Variants in CDKL5 observed in about 807,000 individuals in gnomAD.
CDKL5 encodes cyclin dependent kinase like 5, also known as cyclin-dependent kinase-like 5.
Under a neutral mutation model 61.7 loss-of-function variants are expected in CDKL5, and 8 were observed. That is an observed-to-expected ratio of 0.13 (90% CI 0.08 to 0.23). The LOEUF (loss-of-function observed/expected upper bound fraction) is 0.23. Among genes scored for constraint, CDKL5 ranks in the 10% least tolerant of loss-of-function variants. CDKL5 has a pLI of 1.00. For synonymous variants in CDKL5, 275 were observed against 272.3 expected (o/e 1.01, Z -0.10); for missense variants, 440 against 734.5 (o/e 0.60, Z 4.63).
intron 16 of CDKL5, among the ~76,000 whole-genome samples, chrX:18,621,964 G>C (rs976010373): frequency 1.8e-5 from 2 of 111,883 alleles, no homozygotes; most frequent in Non-Finnish European, 3.8e-5. Context: ...TTTATTTTGT[G>C]GTTTTTGTTC....
chrX:18,592,455 C>CA (rs1925860475), intron 9 of CDKL5, among the ~76,000 whole-genome samples: 1 of 111,070 alleles, frequency 9.0e-6, no homozygotes, highest in Non-Finnish European at 1.9e-5. Flanking sequence ...ATAGGCCACA[C>CA]AAAGGATTAT....
chrX:18,432,587 A>G (rs1480260707), intron 1 of CDKL5, among the ~76,000 whole-genome samples: 1 of 107,501 alleles, frequency 9.3e-6, no homozygotes, highest in Non-Finnish European at 1.9e-5. Flanking sequence ...GAAATCATGT[A>G]GATCTTAAAA....
At chrX:18,439,905 T>TAA (rs147424746) in intron 1 of CDKL5, among the ~76,000 whole-genome samples, 1 of 100,367 alleles carries the variant, frequency 1.0e-5, no homozygotes. Context: ...ACATTATGTC[T>TAA]AAAAAAAAAA....
chrX:18,650,669 G>T (rs1340531177), intron 21 of CDKL5: 2 of 1,073,636 alleles, frequency 1.9e-6, no homozygotes, highest in African/African-American at 3.6e-5. Context: ...TAGAAATGCA[G>T]ATGTTCAGGC....
chrX:18,474,661 A>T (rs1921236366), intron 1 of CDKL5, among the ~76,000 whole-genome samples: 1 of 112,302 alleles, frequency 8.9e-6, no homozygotes, highest in Non-Finnish European at 1.9e-5. Flanking sequence ...GCAGAGGAAG[A>T]TAAAAGCATA....
chrX:18,647,078 G>A (rs745937030), intron 20 of CDKL5: 1 of 898,420 alleles, frequency 1.1e-6, no homozygotes, highest in African/African-American at 2.0e-5. Context: ...CACCACGCCA[G>A]TTAATTTTTT....
At chrX:18,468,886 T>G (rs1234436609) in intron 1 of CDKL5, among the ~76,000 whole-genome samples, 2 of 111,708 alleles carry the variant, frequency 1.8e-5, no homozygotes, top group African/African-American at 3.3e-5. Flanking sequence ...GTTGTTTTTA[T>G]ACCCTTGAAT....
At chrX:18,473,898 T>C (rs1921203776) in intron 1 of CDKL5, among the ~76,000 whole-genome samples, 1 of 106,671 alleles carries the variant, frequency 9.4e-6, no homozygotes, top group East Asian at 2.9e-4. Context: ...GAACTTCGGT[T>C]CTTTTTTTTT....
intron 2 of CDKL5, among the ~76,000 whole-genome samples, chrX:18,509,231 A>G (rs1248439344): frequency 9.4e-6 from 1 of 106,349 alleles, no homozygotes; most frequent in African/African-American, 3.4e-5. Context: ...ACACACACAC[A>G]CACACACACA....
At chrX:18,580,671 GT>G (rs769867944) in intron 6 of CDKL5, among the ~76,000 whole-genome samples, 1 of 111,734 alleles carries the variant, frequency 8.9e-6, no homozygotes, top group East Asian at 2.8e-4. Flanking sequence ...GCACTGGAGA[GT>G]TTTACAGTAG....
chrX:18,462,079 GT>G (rs759099634), intron 1 of CDKL5, among the ~76,000 whole-genome samples: 2,563 of 96,871 alleles, frequency 0.026, 71 homozygotes, highest in African/African-American at 0.081. Flanking sequence ...TTTTTTTGCG[GT>G]TTTTTTTTTT....
At chrX:18,484,352 TC>T (rs1422113974) in intron 1 of CDKL5, among the ~76,000 whole-genome samples, 2 of 110,454 alleles carry the variant, frequency 1.8e-5, no homozygotes, top group Non-Finnish European at 3.8e-5. Flanking sequence ...TCTCGCCCTG[TC>T]GCCCAGGCTG....
chrX:18,652,526 G>A (rs1025696033), intron 21 of CDKL5, among the ~76,000 whole-genome samples: 5 of 111,359 alleles, frequency 4.5e-5, no homozygotes, highest in African/African-American at 9.8e-5. Context: ...AAAATTAGCC[G>A]AGCGCAGTGG....
chrX:18,566,566 G>A, intron 4 of CDKL5, among the ~76,000 whole-genome samples: 1 of 112,329 alleles, frequency 8.9e-6, no homozygotes, highest in Admixed American at 9.5e-5. Context: ...TACCTTTAGA[G>A]TGGAAATCTA....
intron 1 of CDKL5, among the ~76,000 whole-genome samples, chrX:18,450,409 G>C (rs939316740): frequency 7.2e-5 from 8 of 111,883 alleles, no homozygotes; most frequent in African/African-American, 2.3e-4. Flanking sequence ...TTCTTTGCCA[G>C]ATTATTAAAA....
intron 1 of CDKL5, among the ~76,000 whole-genome samples, chrX:18,493,480 C>G (rs1025860606): frequency 1.8e-5 from 2 of 112,314 alleles, no homozygotes. Flanking sequence ...AGTCTTTGTT[C>G]TCCTCTTCTT....
intron 16 of CDKL5, among the ~76,000 whole-genome samples, chrX:18,624,813 G>A (rs368282336): frequency 3.6e-5 from 4 of 111,889 alleles, no homozygotes; most frequent in East Asian, 2.8e-4. Flanking sequence ...TCCTGGTACA[G>A]CCCTATTTAA....
intron 3 of CDKL5, among the ~76,000 whole-genome samples, chrX:18,564,055 TGCTACCA>T (rs1924884331): frequency 1.8e-5 from 2 of 111,755 alleles, no homozygotes; most frequent in South Asian, 7.5e-4. Context: ...GTTAGCATTC[TGCTACCA>T]GCAACTACTG....
At chrX:18,543,990 A>G (rs1428268589) in intron 3 of CDKL5, among the ~76,000 whole-genome samples, 1 of 111,517 alleles carries the variant, frequency 9.0e-6, no homozygotes, top group Non-Finnish European at 1.9e-5. Context: ...TTACAATTAA[A>G]CCCTTTGCCA....
Sources: allele counts gnomAD v4.1 joint callset (sites outside exome capture counted in the v4.1 genomes callset), GRCh38; gene constraint gnomAD v4.1.1; transcripts MANE v1.5; gene names NCBI Gene and HGNC (gene_info 2026-07-23, HGNC 2026-07-21).